The following LTBP1 variants were observed in gnomAD, a reference collection of about 807,000 sequenced individuals.
The protein encoded by LTBP1 is latent transforming growth factor beta binding protein 1.
LTBP1 carries 129 observed loss-of-function variants against 207.6 expected under a neutral mutation model. That is an observed-to-expected ratio of 0.62 (90% confidence interval 0.54 to 0.72). The LOEUF (loss-of-function observed/expected upper bound fraction) is 0.72, where lower values mean the gene tolerates loss of function less well. Among genes scored for constraint, LTBP1 ranks in the 30% least tolerant of loss-of-function variants. The pLI is 0.00. For synonymous variants in LTBP1, 963 were observed against 833.7 expected, an observed-to-expected ratio of 1.16 and a Z score of -2.67; for missense variants, 2,281 against 2,217.2, an observed-to-expected ratio of 1.03 and a Z score of -0.58.
At chr2:33,292,135 C>T (rs770056038) in intron 19 of LTBP1, among the ~76,000 whole-genome samples, 8 of 152,062 alleles carry the variant, frequency 5.3e-5, no homozygotes, top group Non-Finnish European at 1.2e-4. Flanking sequence ...GTGGACCTAC[C>T]CAGGGCCATT....
Position 33,098,771 on chromosome 2 carries a change from A to G in LTBP1, c.864-11811A>G, listed in dbSNP as rs191880145. 5.3e-5 allele frequency among the ~76,000 whole-genome samples: 8 copies of G among 152,150 alleles called. No individual in the cohort carries two copies. In the East Asian group the frequency reaches 1.5e-3, roughly 29 times the overall value. ...GATTTTTACTTTATAAAGTCAATAT[A>G]TTTTTTCCGAAAGTCAAACTTGCAT... On this transcript the variant is annotated intron_variant, in intron 3 of 33. Transcript: ENST00000404816.
At chr2:33,328,322 G>A (rs1559019811) in intron 24 of LTBP1, among the ~76,000 whole-genome samples, 1 of 151,974 alleles carries the variant, frequency 6.6e-6, no homozygotes. Flanking sequence ...CTCATACATA[G>A]CACTTACCAC....
At chr2:33,129,118 T>C (rs966742192) in intron 4 of LTBP1, among the ~76,000 whole-genome samples, 1 of 152,052 alleles carries the variant, frequency 6.6e-6, no homozygotes, top group African/African-American at 2.4e-5. Flanking sequence ...GAGCCAATGA[T>C]GGGGAAAAAA....
intron 9 of LTBP1, among the ~76,000 whole-genome samples, chr2:33,241,108 T>TA (rs1458496040): frequency 6.6e-6 from 1 of 152,090 alleles, no homozygotes; most frequent in Non-Finnish European, 1.5e-5. Context: ...TCAGGAAATA[T>TA]AAAAAAATAG....
At chr2:33,104,705 A>AT (rs780207075) in intron 3 of LTBP1, among the ~76,000 whole-genome samples, 2 of 152,082 alleles carry the variant, frequency 1.3e-5, no homozygotes, top group African/African-American at 4.8e-5. Flanking sequence ...TTCCTGAAAC[A>AT]TTTTTGCATT....
At position 33,398,415 on chromosome 2, in the gene LTBP1, C is replaced by G; in HGVS notation, c.5036C>G (p.Ala1679Gly). ...AACCGGATGTCTCTCTGCAAGAATG[C>G]CAAGTGCATTAACACCGATGGTTCC... ...LNNRMSLCKN[A>G]KCINTDGSYK... Residue 1679 changes from alanine to glycine, a missense_variant, in exon 34 of 34, where the codon GCC (alanine) becomes GGC (glycine). Physicochemically the swap from Ala to Gly is moderately conservative, Grantham distance 60 (BLOSUM62 0). Coordinates refer to ENST00000404816, the MANE Select transcript of LTBP1 (RefSeq NM_206943.4). The G allele has an allele frequency of 6.2e-7, 1 of 1,614,098 alleles. No homozygotes were observed. Among genetic ancestry groups the G allele is most frequent in the Non-Finnish European group, 8.5e-7 (1 of 1,179,986 alleles).
chr2:32,956,217 GT>G (rs1678049344), intron 2 of LTBP1, among the ~76,000 whole-genome samples: 4 of 152,162 alleles, frequency 2.6e-5, no homozygotes, highest in Admixed American at 2.0e-4. Context: ...AAATGATGAA[GT>G]TTGCTGCACT....
At chr2:33,327,191 C>T (rs2094438765) in intron 24 of LTBP1, among the ~76,000 whole-genome samples, 1 of 152,164 alleles carries the variant, frequency 6.6e-6, no homozygotes, top group Non-Finnish European at 1.5e-5. Flanking sequence ...TGGACTGATC[C>T]AGACCCAGTG....
chr2:33,047,584 A>G (rs566979676), intron 3 of LTBP1, among the ~76,000 whole-genome samples: 2 of 152,228 alleles, frequency 1.3e-5, no homozygotes, highest in Admixed American at 6.5e-5. Flanking sequence ...AGAAGATTGT[A>G]TATTCTGTTG....
intron 3 of LTBP1, chr2:33,056,257 G>A: frequency 4.2e-6 from 2 of 472,658 alleles, no homozygotes; most frequent in Non-Finnish European, 7.2e-6. Context: ...GCATTTCAAG[G>A]GTGAGCCTGT....
chr2:33,372,788 C>T (rs1558314531), intron 31 of LTBP1, among the ~76,000 whole-genome samples: 1 of 152,110 alleles, frequency 6.6e-6, no homozygotes, highest in East Asian at 1.9e-4. Context: ...TGCTTGAACC[C>T]AGGAGGCGGA....
chr2:33,385,892 T>C (rs72861492), intron 31 of LTBP1, among the ~76,000 whole-genome samples: 22,953 of 152,148 alleles, frequency 0.15, 2,140 homozygotes, highest in African/African-American at 0.25. Flanking sequence ...TGACCAAAAC[T>C]GTCTTGGAGC....
rs560216777 is a variant in LTBP1 at position 33,372,609 on chromosome 2, C to G, written c.4711+7106C>G. Among the ~76,000 whole-genome samples, 10 of 152,308 alleles carry G rather than the reference C, an allele frequency of 6.6e-5. 1 individual carries two copies. Among genetic ancestry groups the G allele is most frequent in the African/African-American group, 2.2e-4 (9 of 41,580 alleles). On this transcript the variant is annotated intron_variant, in intron 31 of 33. Transcript: ENST00000404816. Reference sequence around the variant, plus strand: ...AGCTTAATCACCGGGTGTGGTGGCTCACACCTGTAATCCCAGCACTTTGGG... The same window carrying G: ...AGCTTAATCACCGGGTGTGGTGGCTGACACCTGTAATCCCAGCACTTTGGG...
In LTBP1 at chr2:33,370,807, C is replaced by T. The variant is rs149769549; in HGVS notation, c.4711+5304C>T. 1.7e-3 allele frequency among the ~76,000 whole-genome samples: 255 copies of T among 152,218 alleles called. 1 individual carries two copies. Among genetic ancestry groups the T allele is most frequent in the African/African-American group, 5.7e-3 (237 of 41,532 alleles). On this transcript the variant is annotated intron_variant, in intron 31 of 33. Coordinates refer to ENST00000404816, the MANE Select transcript of LTBP1 (RefSeq NM_206943.4). ...TGCAGTACTGCTTTGGGGAACAATT[C>T]GTTACTGATGGAATCAGTGCTGGAG...
chr2:33,025,576 C>T (rs114865426), intron 3 of LTBP1, among the ~76,000 whole-genome samples: 229 of 152,178 alleles, frequency 1.5e-3, no homozygotes, highest in African/African-American at 5.3e-3. Context: ...ATAACAATGA[C>T]GATTTATAGA....
intron 15 of LTBP1, among the ~76,000 whole-genome samples, chr2:33,269,542 A>G (rs2148254532): frequency 6.6e-6 from 1 of 152,306 alleles, no homozygotes; most frequent in African/African-American, 2.4e-5. Flanking sequence ...AAAAGACAAG[A>G]CATTCCCATT....
intron 2 of LTBP1, among the ~76,000 whole-genome samples, chr2:32,994,151 A>C (rs1684878279): frequency 6.6e-6 from 1 of 152,062 alleles, no homozygotes; most frequent in African/African-American, 2.4e-5. Flanking sequence ...CTAAAACATA[A>C]AGGGTGAAAC....
chr2:33,068,110 A>G (rs1490146459), intron 3 of LTBP1, among the ~76,000 whole-genome samples: 1 of 137,458 alleles, frequency 7.3e-6, no homozygotes, highest in Non-Finnish European at 1.5e-5. Flanking sequence ...TGAAATATGT[A>G]AAATCTCATT....
intron 24 of LTBP1, among the ~76,000 whole-genome samples, chr2:33,337,859 C>A (rs1041241052): frequency 3.3e-5 from 5 of 152,142 alleles, no homozygotes; most frequent in Admixed American, 3.3e-4. Context: ...TTTAGTCTTG[C>A]TGGGACTTCT....
Sources: allele counts gnomAD v4.1 joint callset (sites outside exome capture counted in the v4.1 genomes callset), GRCh38; gene constraint gnomAD v4.1.1; transcripts MANE v1.5; gene names NCBI Gene and HGNC (gene_info 2026-07-23, HGNC 2026-07-21).